The following ARFGEF1 variants were observed in gnomAD, a reference collection of about 807,000 sequenced individuals.
ARFGEF1 encodes the protein ARF guanine nucleotide exchange factor 1.
A neutral mutation model predicts 231.0 loss-of-function variants in ARFGEF1; 42 were observed. The ratio of observed to expected loss-of-function variants is 0.18; its 90% CI spans 0.14 to 0.24. The LOEUF (loss-of-function observed/expected upper bound fraction) is 0.24. ARFGEF1 is among the 10% of genes least tolerant of loss of function. ARFGEF1 has a pLI of 1.00. For missense variants in ARFGEF1, 1,345 were observed against 2,192.0 expected, an observed-to-expected ratio of 0.61 and a Z score of 7.72; for synonymous variants, 710 against 732.3, an observed-to-expected ratio of 0.97 and a Z score of 0.49.
chr8:67,220,924 TAAG>T (rs930093074), intron 29 of ARFGEF1, among the ~76,000 whole-genome samples: 14 of 151,464 alleles, frequency 9.2e-5, no homozygotes, highest in African/African-American at 2.7e-4. Context: ...AAGCCATACT[TAAG>T]TAGTTGGTAT....
chr8:67,336,751 C>A (rs1808360137), intron 1 of ARFGEF1, among the ~76,000 whole-genome samples: 1 of 152,186 alleles, frequency 6.6e-6, no homozygotes, highest in Admixed American at 6.5e-5. Flanking sequence ...AGATCTTTCA[C>A]TACATCCACA....
At chr8:67,206,410 TA>T (rs747164390) in intron 34 of ARFGEF1, among the ~76,000 whole-genome samples, 3,223 of 102,046 alleles carry the variant, frequency 0.032, 102 homozygotes, top group African/African-American at 0.11. Context: ...ATTTTATCTT[TA>T]AAAAAAAAAA....
intron 1 of ARFGEF1, among the ~76,000 whole-genome samples, chr8:67,320,042 G>A (rs995845022): frequency 2.6e-5 from 4 of 151,690 alleles, no homozygotes; most frequent in Admixed American, 6.6e-5. Context: ...CCAACAGAGC[G>A]AAACCCTGTC....
intron 5 of ARFGEF1, among the ~76,000 whole-genome samples, chr8:67,176,494 C>G (rs1831672413): frequency 6.6e-6 from 1 of 152,092 alleles, no homozygotes; most frequent in African/African-American, 2.4e-5. Context: ...AGCCTCATAG[C>G]CCTGTGACAG....
intron 1 of ARFGEF1, among the ~76,000 whole-genome samples, chr8:67,342,595 C>T (rs2128941147): frequency 6.6e-6 from 1 of 152,168 alleles, no homozygotes; most frequent in Middle Eastern, 3.4e-3. Context: ...CAATATTACT[C>T]TATGTTTTTC....
intron 5 of ARFGEF1, among the ~76,000 whole-genome samples, chr8:67,178,933 A>G (rs761434377): frequency 2.0e-5 from 3 of 152,148 alleles, no homozygotes; most frequent in African/African-American, 4.8e-5. Flanking sequence ...TACTTGATCC[A>G]CTGACTGCTG....
chr8:67,265,485 T>G (rs1587166142), intron 14 of ARFGEF1, among the ~76,000 whole-genome samples: 1 of 152,084 alleles, frequency 6.6e-6, no homozygotes, highest in Non-Finnish European at 1.5e-5. Context: ...AGCAGGCAGG[T>G]ATCACAAAGC....
chr8:67,232,596 C>T (rs149815074), intron 23 of ARFGEF1, among the ~76,000 whole-genome samples: 6 of 152,020 alleles, frequency 3.9e-5, no homozygotes, highest in African/African-American at 1.4e-4. Context: ...TCTTTTCCAT[C>T]GAGGTTACCA....
intron 5 of ARFGEF1, among the ~76,000 whole-genome samples, chr8:67,293,908 A>T (rs1250471976): frequency 6.6e-6 from 1 of 152,140 alleles, no homozygotes; most frequent in Admixed American, 6.6e-5. Flanking sequence ...TGACTCTTAA[A>T]TCGCAGTAAT....
chr8:67,326,766 G>A (rs1807853812), intron 1 of ARFGEF1, among the ~76,000 whole-genome samples: 1 of 152,098 alleles, frequency 6.6e-6, no homozygotes, highest in Non-Finnish European at 1.5e-5. Flanking sequence ...ACTAACCAAT[G>A]TTATTCAAGG....
At chr8:67,217,548 A>G (rs1838980517) in intron 32 of ARFGEF1, among the ~76,000 whole-genome samples, 3 of 152,164 alleles carry the variant, frequency 2.0e-5, no homozygotes, top group African/African-American at 7.2e-5. Context: ...TTATGTCCCA[A>G]ATTTTGGTAA....
At chr8:67,239,615 T>C (rs1006492251) in intron 20 of ARFGEF1, among the ~76,000 whole-genome samples, 2 of 152,178 alleles carry the variant, frequency 1.3e-5, no homozygotes, top group African/African-American at 2.4e-5. Context: ...TTGCTCATTT[T>C]CTCCACAGCT....
At chr8:67,214,743 A>T (rs555604313) in intron 33 of ARFGEF1, among the ~76,000 whole-genome samples, 1 of 152,292 alleles carries the variant, frequency 6.6e-6, no homozygotes, top group Non-Finnish European at 1.5e-5. Context: ...GAAGACCCAC[A>T]AGGATTTTGA....
At chr8:67,205,626 G>A (rs1838483242) in intron 34 of ARFGEF1, among the ~76,000 whole-genome samples, 1 of 152,126 alleles carries the variant, frequency 6.6e-6, no homozygotes, top group South Asian at 2.1e-4. Flanking sequence ...GGAAGCCGAG[G>A]CAGTTGAATC....
rs1440326381 is a variant in ARFGEF1 at position 67,258,333 on chromosome 8, T to C, written c.2236-43A>G. ...ATAGAAATTGATATTTTCTTTCTTT[T>C]TTTTTTTTTTGAGACAGAGTCTTGC... On this transcript the variant is annotated intron_variant, in intron 15 of 38. Transcript: ENST00000262215. 8 of 1,383,448 alleles carry C rather than the reference T, an allele frequency of 5.8e-6. No homozygotes were observed. In the African/African-American group the frequency reaches 7.3e-5, roughly 13 times the overall value. 85.7% of individuals were successfully genotyped at this position (1,383,448 alleles called of 1,614,324 possible).
At chr8:67,179,125 G>A (rs1832384935) in intron 5 of ARFGEF1, among the ~76,000 whole-genome samples, 1 of 152,298 alleles carries the variant, frequency 6.6e-6, no homozygotes, top group South Asian at 2.1e-4. Context: ...CAGGGAGGTG[G>A]AGTTGGATGA....
chr8:67,225,944 C>G, intron 28 of ARFGEF1, 79 bp downstream of exon 28: 1 of 1,362,100 alleles, frequency 7.3e-7, no homozygotes, highest in South Asian at 1.7e-5. Context: ...CTTCATATAC[C>G]CTCAATTCCC....
chr8:67,213,514 T>C (rs1208358539), intron 33 of ARFGEF1, among the ~76,000 whole-genome samples: 1 of 152,190 alleles, frequency 6.6e-6, no homozygotes. Flanking sequence ...AGAAACCTGG[T>C]GTAATGATTA....
intron 5 of ARFGEF1, among the ~76,000 whole-genome samples, chr8:67,190,326 G>A (rs1835861909): frequency 6.6e-6 from 1 of 152,166 alleles, no homozygotes; most frequent in Admixed American, 6.5e-5. Flanking sequence ...AAAAGATTAA[G>A]TTGTAGAATT....
Sources: gnomAD v4.1 joint callset for allele counts (sites outside exome capture counted in the v4.1 genomes callset) on GRCh38, gnomAD v4.1.1 for gene constraint, MANE v1.5 for transcripts, NCBI Gene and HGNC (gene_info 2026-07-23, HGNC 2026-07-21) for gene names.